Variants in SEC16B observed in about 807,000 individuals in gnomAD.
SEC16B encodes the protein protein transport protein Sec16B.
In SEC16B, 115 loss-of-function variants were observed where a neutral mutation model predicts 141.8. That is an observed-to-expected ratio of 0.81 (90% CI 0.70 to 0.95). The LOEUF (loss-of-function observed/expected upper bound fraction) is 0.95, where lower values mean the gene tolerates loss of function less well. Among genes scored for constraint, SEC16B ranks in the 40% least tolerant of loss-of-function variants. SEC16B has a pLI of 0.00. For synonymous variants in SEC16B, 493 were observed against 492.5 expected, an observed-to-expected ratio of 1.00 and a Z score of -0.01; for missense variants, 1,291 against 1,312.3, an observed-to-expected ratio of 0.98 and a Z score of 0.25.
At position 177,964,279 on chromosome 1, in the gene SEC16B, T is replaced by A. The variant is rs747082550; in HGVS notation, c.534A>T (p.Gln178His). The A allele has an allele frequency of 1.9e-6, 3 of 1,610,162 alleles. No homozygotes were observed. The highest frequency in any genetic ancestry group is 1.7e-6 in the Non-Finnish European group (2 of 1,177,310). Residue 178 changes from glutamine to histidine, a missense_variant and splice_region_variant, in exon 5 of 26, where the codon CAA (glutamine) becomes CAT (histidine). Gln to His is a conservative substitution (Grantham distance 24, BLOSUM62 0). Around this residue, in one of 3 missense-constraint regions of SEC16B, gnomAD observed 681 missense variants for 675.5 expected, o/e 1.01. Coordinates refer to ENST00000308284, the MANE Select transcript of SEC16B (RefSeq NM_033127.4). ...PFGTNSETHF[Q>H]SNSRNPCKDS... ...CTTTACAAGGGTTCCTACTGTTAGATCTGCAGCAAAATGACAGGAGCAGTG... is the reference window on the plus strand; with the variant it reads ...CTTTACAAGGGTTCCTACTGTTAGAACTGCAGCAAAATGACAGGAGCAGTG...
rs1399404756 is a variant in SEC16B, at chr1:177,958,015, T to C, written c.1365+117A>G. ...TTTTCTTTGTTCTGTCTTTCCGAAC[T>C]TCTTGCATCCTCCCTGAAATGAGTA... On this transcript the variant is annotated intron_variant, in intron 10 of 25. Coordinates refer to ENST00000308284, the MANE Select transcript of SEC16B (RefSeq NM_033127.4). 6.6e-6 allele frequency: 4 copies of C among 603,144 alleles called. No homozygotes were observed. The East Asian group carries it at 1.4e-4, about 21-fold the overall frequency. The allele number at this position is 603,144 out of a possible 1,614,324, so 37.4% of individuals were successfully genotyped here.
Position 177,942,129 on chromosome 1 carries a change from G to A in SEC16B, c.1882-89C>T, listed in dbSNP as rs537197435. The A allele has an allele frequency of 1.1e-5, 15 of 1,389,894 alleles. No individual in the cohort carries two copies. In the East Asian group the frequency reaches 3.5e-4, roughly 33 times the overall value. The allele number at this position is 1,389,894 out of a possible 1,614,324, so 86.1% of individuals were successfully genotyped here. ...AGATAAGACTTCTTGGAAGTCAGCT[G>A]TCAGTTTCCGCTAACTCTGGCATCC... On this transcript the variant is annotated intron_variant, in intron 15 of 25. Transcript: ENST00000308284.
chr1:177,932,900 C>G lies in SEC16B; in HGVS notation c.2824-94G>C, dbSNP rs772271955. ...GTGTTCCCACACTCACGATGGCGGC[C>G]TTGCCACAAACTGCTGCTGGGCACT... On this transcript the variant is annotated intron_variant, in intron 22 of 25. Transcript: ENST00000308284. 5.9e-4 allele frequency: 752 copies of G among 1,268,832 alleles called. 4 individuals carry two copies. The highest frequency in any genetic ancestry group is 2.2e-4 in the Middle Eastern group (1 of 4,536). The allele number at this position is 1,268,832 out of a possible 1,614,324, so 78.6% of individuals were successfully genotyped here.
rs1477448999 is a variant in SEC16B, at chr1:177,961,623, G to A, written c.754C>T (p.Pro252Ser). 1.2e-6 allele frequency: 2 copies of A among 1,613,662 alleles called. No individual in the cohort carries two copies. Among genetic ancestry groups the A allele is most frequent in the African/African-American group, 1.3e-5 (1 of 74,914 alleles). The change falls in exon 6 of 26, where the codon CCA becomes TCA. Residue 252 changes from proline to serine, a missense_variant. By Grantham distance (74) the Pro-to-Ser change is moderately conservative. Coordinates refer to ENST00000308284, the MANE Select transcript of SEC16B (RefSeq NM_033127.4). ...ACTGGACTCCAAGCTGCTGAAGCTG[G>A]GGGATCATCCCGCTCCGGGGCATCT... ...IRDAPERDDP[P>S]ASAAWSPVQA...
Position 177,961,625 on chromosome 1 carries a change from G to A in SEC16B, c.752C>T (p.Pro251Leu). Reference sequence around the variant, plus strand: ...TGGACTCCAAGCTGCTGAAGCTGGGGGATCATCCCGCTCCGGGGCATCTCT... The same window carrying A: ...TGGACTCCAAGCTGCTGAAGCTGGGAGATCATCCCGCTCCGGGGCATCTCT... ...YIRDAPERDD[P>L]PASAAWSPVQ... Residue 251 changes from proline (P) to leucine (L), a missense_variant, in exon 6 of 26, where the codon CCC becomes CTC. By Grantham distance (98) the Pro-to-Leu change is moderately conservative. This residue lies in a region of SEC16B where 681 missense variants were observed against 675.5 expected (regional missense o/e 1.01). Coordinates refer to ENST00000308284, the MANE Select transcript of SEC16B (RefSeq NM_033127.4). 1.2e-6 allele frequency: 2 copies of A among 1,613,796 alleles called. No individual in the cohort carries two copies. The highest frequency in any genetic ancestry group is 1.7e-6 in the Non-Finnish European group (2 of 1,179,822).
At chr1:177,958,062 G>A (rs1652756385) in intron 10 of SEC16B, 70 bp downstream of exon 10, 1 of 1,055,358 alleles carries the variant, frequency 9.5e-7, no homozygotes, top group Non-Finnish European at 1.3e-6. Context: ...CATAATTTGA[G>A]CAGCGGTGAG....
At chr1:177,972,138 T>C (rs1244737068), upstream of SEC16B, among the ~76,000 whole-genome samples, 1 of 152,180 alleles carries the variant, frequency 6.6e-6, no homozygotes, top group Non-Finnish European at 1.5e-5. Context: ...TCCCAAAGTA[T>C]CTCTAATTAT....
In SEC16B at chr1:177,951,964, G is replaced by T. The variant is rs754473017; in HGVS notation, c.1495C>A (p.Leu499Met). The T allele has an allele frequency of 5.0e-6, 8 of 1,607,110 alleles. No homozygotes were observed. Among genetic ancestry groups the T allele is most frequent in the Non-Finnish European group, 6.8e-6 (8 of 1,177,210 alleles). The change falls in exon 12 of 26, where the codon CTG (leucine) becomes ATG (methionine). Residue 499 changes from leucine (L) to methionine (M), a missense_variant. Around this residue, in one of 3 missense-constraint regions of SEC16B, gnomAD observed 681 missense variants for 675.5 expected, o/e 1.01. Coordinates refer to ENST00000308284, the MANE Select transcript of SEC16B (RefSeq NM_033127.4). ...GACATGAGCTGGAAGAGGGTCTGCA[G>T]TGGGTCATTGAGCGCCAGCGTGCTG... ...FTSTLALNDP[L>M]QTLFQLMSGR...
intron 8 of SEC16B, chr1:177,959,303 T>C (rs1652883289): frequency 1.1e-5 from 4 of 353,660 alleles, no homozygotes; most frequent in South Asian, 5.1e-5. Context: ...GCCACTTCTC[T>C]GTTTAGACAA....
rs548680154 is a variant in SEC16B, at chr1:177,963,688, A to G, written c.642+483T>C. Among the ~76,000 whole-genome samples the G allele has an allele frequency of 1.8e-4, 28 of 152,366 alleles. 1 individual carries two copies. The highest frequency in any genetic ancestry group is 6.3e-4 in the African/African-American group (26 of 41,588). ...CTAAAATAAAAAGTTTATTTTAAAAAAGATTTCCATTTTGTGGCCCAGCTG... is the reference window on the plus strand; with the variant it reads ...CTAAAATAAAAAGTTTATTTTAAAAGAGATTTCCATTTTGTGGCCCAGCTG... On this transcript the variant is annotated intron_variant, in intron 5 of 25. Transcript: ENST00000308284.
intron 1 of SEC16B, among the ~76,000 whole-genome samples, chr1:177,977,828 T>C (rs1447909629): frequency 6.6e-6 from 1 of 152,226 alleles, no homozygotes; most frequent in Non-Finnish European, 1.5e-5. Flanking sequence ...TTGCTAGCCA[T>C]GTGCCTTTGG....
chr1:177,933,633 G>A lies in SEC16B; in HGVS notation c.2575C>T (p.Pro859Ser). The A allele has an allele frequency of 6.2e-7, 1 of 1,613,872 alleles. No homozygotes were observed. The highest frequency in any genetic ancestry group is 8.5e-7 in the Non-Finnish European group (1 of 1,179,784). Residue 859 changes from proline (P) to serine (S), a missense_variant, in exon 21 of 26, where the codon CCA becomes TCA. Around this residue, in one of 3 missense-constraint regions of SEC16B, gnomAD observed 605 missense variants for 614.1 expected, o/e 0.99. Transcript: ENST00000308284. ...ATACTTCGTGGTCTAGCAGCCAATG[G>A]TGTCTGGAATTAAAGAAATAACTCA... ...GQEVISKPQTPLAARPRSISE... is the reference protein window; with the variant it reads ...GQEVISKPQTSLAARPRSISE...
chr1:177,940,659 T>C lies in SEC16B; in HGVS notation c.2078A>G (p.Asp693Gly), dbSNP rs780502745. 1.9e-6 allele frequency: 3 copies of C among 1,613,902 alleles called. No individual in the cohort carries two copies. Among genetic ancestry groups the C allele is most frequent in the Admixed American group, 1.7e-5 (1 of 60,020 alleles). ...TAGCCAATCTGGCTCCAGGTCCCTG[T>C]CTCCACTGCGTCTTTCTAAAACCAG... ...DPLVLERRSG[D>G]RDLEPDWLAQ... Residue 693 changes from aspartate to glycine, a missense_variant, in exon 17 of 26, where the codon GAC (aspartate) becomes GGC (glycine). This residue lies in a region of SEC16B where 605 missense variants were observed against 614.1 expected (regional missense o/e 0.99). Transcript: ENST00000308284.
chr1:177,930,258 A>G (rs1388832189), intron 25 of SEC16B, among the ~76,000 whole-genome samples: 1 of 152,140 alleles, frequency 6.6e-6, no homozygotes. Context: ...ACTGATACCA[A>G]CACCAACTGT....
At position 177,929,640 on chromosome 1, in the gene SEC16B, G is replaced by T. The variant is rs1441375294; in HGVS notation, c.*218C>A. 8.8e-6 allele frequency: 5 copies of T among 568,914 alleles called. No homozygotes were observed. The Admixed American group carries it at 1.5e-4, about 17-fold the overall frequency. 35.2% of individuals were successfully genotyped at this position (568,914 alleles called of 1,614,324 possible). A position where few individuals can be genotyped will look rare whatever the true frequency, so the allele number is the denominator to read the frequency against. On this transcript the variant is annotated 3_prime_UTR_variant, in exon 26 of 26. Transcript: ENST00000308284. ...ATTAGACCCAGACTTTCCACCTGAT[G>T]AAATAATTTCCATCATTGTGAAGCT...
At chr1:177,962,729 G>A (rs1048178097) in intron 5 of SEC16B, among the ~76,000 whole-genome samples, 3 of 150,490 alleles carry the variant, frequency 2.0e-5, no homozygotes, top group Non-Finnish European at 4.4e-5. Flanking sequence ...CTGGGTGACA[G>A]AGCAACACTC....
At chr1:177,930,068 C>G (rs1650300885) in intron 25 of SEC16B, 139 bp from the exon 26 acceptor site, 1 of 755,806 alleles carries the variant, frequency 1.3e-6, no homozygotes, top group African/African-American at 1.8e-5. Context: ...TTGCGTACCT[C>G]CACCCAACCC....
Position 177,979,364 on chromosome 1 carries a change from T to C in SEC16B, c.-59+4842A>G, listed in dbSNP as rs560699320. On this transcript the variant is annotated intron_variant and NMD_transcript_variant, in intron 1 of 24. Transcript: ENST00000528461. ...TAAAGGTTCATACTATTTTGCAGGT[T>C]CTACTGTTCTGCCCACTGTTCCATG... is the stretch of plus-strand genomic sequence containing the variant. Among the ~76,000 whole-genome samples, 89 of 152,350 alleles carry C rather than the reference T, an allele frequency of 5.8e-4. 1 individual carries two copies. The South Asian group carries it at 0.018, about 30-fold the overall frequency.
chr1:177,963,845 C>T (rs1168334946), intron 5 of SEC16B, among the ~76,000 whole-genome samples: 1 of 152,182 alleles, frequency 6.6e-6, no homozygotes, highest in African/African-American at 2.4e-5. Flanking sequence ...AATTGCTAGT[C>T]CCCTGGGGTC....
Sources: gnomAD v4.1 joint callset for allele counts (sites outside exome capture counted in the v4.1 genomes callset) on GRCh38, gnomAD v4.1.1 for gene constraint, gnomAD v4.1.1 regional missense constraint, MANE v1.5 for transcripts, NCBI Gene and HGNC (gene_info 2026-07-23, HGNC 2026-07-21) for gene names.